PHF14: variants seen among roughly 807,000 people sequenced by gnomAD.
The protein encoded by PHF14 is PHD finger protein 14.
In PHF14, 55 loss-of-function variants were observed where a neutral mutation model predicts 117.9. The observed-to-expected ratio is 0.47, with a 90% CI of 0.38 to 0.58. The LOEUF (loss-of-function observed/expected upper bound fraction) is 0.58. Among genes scored for constraint, PHF14 ranks in the 20% least tolerant of loss-of-function variants. The probability of loss-of-function intolerance (pLI) is 0.00; values close to 1 mark genes in which losing one functional copy is unlikely to be tolerated. For synonymous variants in PHF14, 409 were observed against 368.6 expected, an observed-to-expected ratio of 1.11 and a Z score of -1.26; for missense variants, 978 against 1,122.2, an observed-to-expected ratio of 0.87 and a Z score of 1.84.
intron 17 of PHF14, among the ~76,000 whole-genome samples, chr7:11,116,063 C>A (rs1198160675): frequency 6.6e-6 from 1 of 151,930 alleles, no homozygotes; most frequent in East Asian, 1.9e-4. Context: ...ATATCCTATT[C>A]CTCATCAAAC....
At chr7:11,055,913 T>C (rs1458190941) in intron 14 of PHF14, among the ~76,000 whole-genome samples, 1 of 152,222 alleles carries the variant, frequency 6.6e-6, no homozygotes, top group African/African-American at 2.4e-5. Flanking sequence ...AAGGTTACTG[T>C]ACATTATGTT....
At chr7:10,992,990 G>A (rs1782515425) in intron 4 of PHF14, among the ~76,000 whole-genome samples, 1 of 152,012 alleles carries the variant, frequency 6.6e-6, no homozygotes, top group Admixed American at 6.6e-5. Context: ...TGGGTTATAT[G>A]CTTTTGGCCG....
intron 17 of PHF14, among the ~76,000 whole-genome samples, chr7:11,115,498 T>G (rs1787571324): frequency 6.6e-6 from 1 of 152,074 alleles, no homozygotes. Flanking sequence ...CTTAAGATGT[T>G]TTTTCTATTG....
intron 17 of PHF14, among the ~76,000 whole-genome samples, chr7:11,156,314 A>G (rs1788849529): frequency 6.6e-6 from 1 of 152,148 alleles, no homozygotes; most frequent in Non-Finnish European, 1.5e-5. Context: ...CTTGAAGCAA[A>G]TTCAATTTCT....
chr7:11,047,947 G>A (rs1784730731), intron 13 of PHF14, among the ~76,000 whole-genome samples: 1 of 123,466 alleles, frequency 8.1e-6, no homozygotes, highest in Non-Finnish European at 1.7e-5. Context: ...GAGGGAGAGG[G>A]AGGGAGGGGG....
At chr7:11,102,649 A>G (rs1787131298) in intron 16 of PHF14, 12 of 1,495,648 alleles carry the variant, frequency 8.0e-6, no homozygotes, top group Middle Eastern at 1.7e-4. Context: ...GTCACTGCAA[A>G]AAGTTGCCTT....
intron 16 of PHF14, among the ~76,000 whole-genome samples, chr7:11,072,589 G>A (rs920781084): frequency 6.6e-6 from 1 of 152,130 alleles, no homozygotes; most frequent in Non-Finnish European, 1.5e-5. Flanking sequence ...CAAGTAAAGG[G>A]CTTGGCACAG....
At chr7:11,166,888 C>G (rs906749940) in intron 17 of PHF14, among the ~76,000 whole-genome samples, 1 of 152,090 alleles carries the variant, frequency 6.6e-6, no homozygotes, top group African/African-American at 2.4e-5. Flanking sequence ...TGTTAGAAGG[C>G]ATGCATTTAT....
At chr7:11,083,047 C>G (rs1160372813) in intron 16 of PHF14, among the ~76,000 whole-genome samples, 1 of 152,204 alleles carries the variant, frequency 6.6e-6, no homozygotes, top group African/African-American at 2.4e-5. Flanking sequence ...TCTCCCCTCT[C>G]TCCCTTATGT....
chr7:11,083,705 C>G (rs529079916), intron 16 of PHF14, among the ~76,000 whole-genome samples: 1 of 152,162 alleles, frequency 6.6e-6, no homozygotes, highest in Admixed American at 6.5e-5. Flanking sequence ...TCGTGACCCA[C>G]CCCCTTGGCC....
chr7:11,011,795 T>A (rs1263715132), intron 4 of PHF14, among the ~76,000 whole-genome samples: 3 of 152,196 alleles, frequency 2.0e-5, no homozygotes, highest in Non-Finnish European at 4.4e-5. Flanking sequence ...TTAGTGTATG[T>A]CCACTACCAT....
chr7:11,051,692 A>T lies in PHF14; in HGVS notation c.2393A>T (p.Lys798Ile). 1 of 1,613,740 alleles carries T rather than the reference A, an allele frequency of 6.2e-7. No individual in the cohort carries two copies. Among genetic ancestry groups the T allele is most frequent in the Non-Finnish European group, 8.5e-7 (1 of 1,179,734 alleles). Residue 798 changes from lysine to isoleucine, a missense_variant, in exon 14 of 18, where the codon AAA becomes ATA. Coordinates refer to ENST00000634607, the MANE Select transcript of PHF14 (RefSeq NM_001007157.2). The part of the protein sequence containing the change: ...MAMETLPDGT[K>I]RSRRQIKEPV... Reference sequence around the variant, plus strand: ...ATGGAAACCCTACCAGATGGAACCAAACGATCAAGGAGGCAGATTAAGGAA... The same window carrying T: ...ATGGAAACCCTACCAGATGGAACCATACGATCAAGGAGGCAGATTAAGGAA...
At chr7:11,100,501 A>G (rs1274599271) in intron 16 of PHF14, among the ~76,000 whole-genome samples, 1 of 151,964 alleles carries the variant, frequency 6.6e-6, no homozygotes, top group Non-Finnish European at 1.5e-5. Context: ...ATATATTTAA[A>G]TGATATTATG....
chr7:11,072,511 A>T (rs58735396), intron 16 of PHF14, among the ~76,000 whole-genome samples: 69 of 152,290 alleles, frequency 4.5e-4, no homozygotes, highest in African/African-American at 1.6e-3. Context: ...TACCTTCATT[A>T]TCTATAAAAT....
At chr7:11,025,681 G>A (rs753964207) in intron 6 of PHF14, among the ~76,000 whole-genome samples, 6 of 152,160 alleles carry the variant, frequency 3.9e-5, no homozygotes, top group Non-Finnish European at 7.3e-5. Context: ...TGTAGTCTCA[G>A]CTACTTGGGA....
rs2128322377 is a variant in PHF14 at position 11,036,592 on chromosome 7, T to A, written c.1777T>A (p.Phe593Ile). 2 of 1,613,868 alleles carry A rather than the reference T, an allele frequency of 1.2e-6. No homozygotes were observed. The highest frequency in any genetic ancestry group is 1.1e-5 in the South Asian group (1 of 91,074). ...AELMGISTDI[F>I]PVDNSDTSSS... ...ACTCATGGGGATCAGTACAGATATC[T>A]TTCCAGTGGACAATTCAGATACTAG... The change falls in exon 9 of 18, where the codon TTT (phenylalanine) becomes ATT (isoleucine). Residue 593 changes from phenylalanine (F) to isoleucine (I), a missense_variant. Phe to Ile is a conservative substitution (Grantham distance 21). This residue lies in a region of PHF14 where 237 missense variants were observed against 276.4 expected (regional missense o/e 0.86). Coordinates refer to ENST00000634607, the MANE Select transcript of PHF14 (RefSeq NM_001007157.2).
chr7:11,036,327 T>C, intron 8 of PHF14, 91 bp from the exon 9 acceptor site: 2 of 1,096,534 alleles, frequency 1.8e-6, no homozygotes, highest in Non-Finnish European at 2.6e-6. Flanking sequence ...ATTATCTTTC[T>C]GTGAACATGG....
intron 13 of PHF14, among the ~76,000 whole-genome samples, chr7:11,049,221 C>G (rs1472038032): frequency 6.6e-6 from 1 of 151,860 alleles, no homozygotes; most frequent in Non-Finnish European, 1.5e-5. Flanking sequence ...ACCTGTAATC[C>G]CAGCACTTTG....
Position 11,105,296 on chromosome 7 carries a change from A to G in PHF14, c.2655-6054A>G, listed in dbSNP as rs759541154. On this transcript the variant is annotated intron_variant, in intron 16 of 17. Coordinates refer to ENST00000634607, the MANE Select transcript of PHF14 (RefSeq NM_001007157.2). ...TCTGATTTTATATTTATGATGTTAA[A>G]AATAGACTGCTGACCAATAAATAAT... The G allele has an allele frequency of 4.3e-5, 41 of 948,266 alleles. 1 individual carries two copies. The highest frequency in any genetic ancestry group is 4.6e-5 in the Non-Finnish European group (37 of 796,370). 58.7% of individuals were successfully genotyped at this position (948,266 alleles called of 1,614,324 possible). A position where few individuals can be genotyped will look rare whatever the true frequency, so the allele number is the denominator to read the frequency against.
Sources: gnomAD v4.1 joint callset for allele counts (sites outside exome capture counted in the v4.1 genomes callset) on GRCh38, gnomAD v4.1.1 for gene constraint, gnomAD v4.1.1 regional missense constraint, MANE v1.5 for transcripts, NCBI Gene and HGNC (gene_info 2026-07-23, HGNC 2026-07-21) for gene names.